The following GUCA1C variants were observed in gnomAD, a reference collection of about 807,000 sequenced individuals.
GUCA1C encodes guanylyl cyclase-activating protein 3.
A neutral mutation model predicts 16.2 loss-of-function variants in GUCA1C; 15 were observed. The ratio of observed to expected loss-of-function variants is 0.93; its 90% CI spans 0.62 to 1.43. The LOEUF (loss-of-function observed/expected upper bound fraction) is 1.43, where lower values mean the gene tolerates loss of function less well. GUCA1C is among the 40% of genes most tolerant of loss of function. The pLI, the probability that GUCA1C is intolerant of heterozygous loss-of-function variation, is 0.00. For synonymous variants in GUCA1C, 78 were observed against 85.4 expected (o/e 0.91, Z 0.48); for missense variants, 275 against 244.8 (o/e 1.12, Z -0.82).
intron 1 of GUCA1C, among the ~76,000 whole-genome samples, chr3:108,937,724 G>A (rs1175281652): frequency 6.6e-6 from 1 of 152,094 alleles, no homozygotes; most frequent in Non-Finnish European, 1.5e-5. Flanking sequence ...GTTCTAATAA[G>A]GCCCTACACA....
In GUCA1C at chr3:108,920,428, T is replaced by C; in HGVS notation, c.354+8A>G. 1.2e-6 allele frequency: 2 copies of C among 1,603,808 alleles called. No homozygotes were observed. The highest frequency in any genetic ancestry group is 1.7e-6 in the Non-Finnish European group (2 of 1,171,164). ...GGCCTGAAAAGGATACTTTACTACT[T>C]CACTTACCATGAACATGTCCAGTAG... On this transcript the variant is annotated splice_region_variant and intron_variant, in intron 2 of 3. Transcript: ENST00000261047.
intron 1 of GUCA1C, among the ~76,000 whole-genome samples, chr3:108,952,322 A>G (rs775897220): frequency 2.6e-5 from 4 of 152,208 alleles, no homozygotes; most frequent in Non-Finnish European, 5.9e-5. Context: ...GGAATCTGTC[A>G]CATTTTCCCA....
intron 1 of GUCA1C, among the ~76,000 whole-genome samples, chr3:108,933,529 T>C (rs1224912003): frequency 2.6e-5 from 4 of 152,272 alleles, no homozygotes; most frequent in South Asian, 4.1e-4. Flanking sequence ...AAATAAAAAC[T>C]ATATGGAGAC....
At chr3:108,952,442 G>A (rs774537824) in intron 1 of GUCA1C, among the ~76,000 whole-genome samples, 25 of 152,096 alleles carry the variant, frequency 1.6e-4, no homozygotes, top group Non-Finnish European at 3.2e-4. Flanking sequence ...ACTCATATTT[G>A]GTAACAAAGC....
intron 2 of GUCA1C, among the ~76,000 whole-genome samples, chr3:108,917,459 G>T (rs1056902772): frequency 6.6e-6 from 1 of 152,124 alleles, no homozygotes; most frequent in Non-Finnish European, 1.5e-5. Flanking sequence ...GAAGCAGCAG[G>T]ATCAGGGGAT....
At chr3:108,940,284 T>C (rs2107309844) in intron 1 of GUCA1C, among the ~76,000 whole-genome samples, 1 of 152,336 alleles carries the variant, frequency 6.6e-6, no homozygotes, top group Middle Eastern at 3.4e-3. Context: ...TGTGGTCACC[T>C]TGTAGGCCAG....
upstream of GUCA1C, among the ~76,000 whole-genome samples, chr3:108,954,239 T>C (rs1431650549): frequency 6.6e-6 from 1 of 152,216 alleles, no homozygotes; most frequent in East Asian, 1.9e-4. Context: ...AGTTTCTGCC[T>C]TTTCATACCT....
intron 1 of GUCA1C, among the ~76,000 whole-genome samples, chr3:108,933,537 G>A (rs1946691987): frequency 6.6e-6 from 1 of 152,094 alleles, no homozygotes; most frequent in Non-Finnish European, 1.5e-5. Flanking sequence ...ACTATATGGA[G>A]ACTTCAAATT....
chr3:108,926,202 C>T (rs1212634282), intron 1 of GUCA1C, among the ~76,000 whole-genome samples: 1 of 152,044 alleles, frequency 6.6e-6, no homozygotes, highest in Non-Finnish European at 1.5e-5. Flanking sequence ...TTTTTAACTG[C>T]TGTTACTTTA....
At chr3:108,943,697 A>C (rs1402960104) in intron 1 of GUCA1C, among the ~76,000 whole-genome samples, 2 of 152,106 alleles carry the variant, frequency 1.3e-5, no homozygotes, top group African/African-American at 4.8e-5. Flanking sequence ...ACATTTCTTG[A>C]ATGCCTGAGT....
intron 1 of GUCA1C, among the ~76,000 whole-genome samples, chr3:108,931,068 C>T (rs945804557): frequency 4.6e-5 from 7 of 152,190 alleles, no homozygotes; most frequent in Non-Finnish European, 8.8e-5. Context: ...TCAGCAGTCT[C>T]CTGGACAGTT....
At chr3:108,947,114 C>T (rs575190001) in intron 1 of GUCA1C, among the ~76,000 whole-genome samples, 16 of 152,278 alleles carry the variant, frequency 1.1e-4, no homozygotes, top group Middle Eastern at 6.8e-3. Context: ...TAACTACTAA[C>T]AGCCTGCTAT....
Position 108,953,744 on chromosome 3 carries a change from T to C in GUCA1C, c.19A>G (p.Ile7Val), listed in dbSNP as rs769158568. Residue 7 changes from isoleucine (I) to valine (V), a missense_variant, in exon 1 of 4, where the codon ATA becomes GTA. Physicochemically the swap from Ile to Val is conservative, Grantham distance 29 (BLOSUM62 3). Coordinates refer to ENST00000261047, the MANE Select transcript of GUCA1C (RefSeq NM_005459.4). MGNGKSIAGDQKAVPTQ... is the reference protein window; with the variant it reads MGNGKSVAGDQKAVPTQ... ...GGAACTGCTTTCTGATCACCAGCTA[T>C]AGATTTGCCATTCCCCATCTTGACT... The C allele has an allele frequency of 6.2e-6, 10 of 1,612,678 alleles. No homozygotes were observed. Among genetic ancestry groups the C allele is most frequent in the South Asian group, 1.1e-5 (1 of 91,060 alleles).
chr3:108,940,293 A>G (rs1946772947), intron 1 of GUCA1C, among the ~76,000 whole-genome samples: 1 of 152,232 alleles, frequency 6.6e-6, no homozygotes, highest in African/African-American at 2.4e-5. Context: ...CTTGTAGGCC[A>G]GAAAACCCAG....
At chr3:108,950,287 C>CA (rs1269197900) in intron 1 of GUCA1C, among the ~76,000 whole-genome samples, 1 of 152,170 alleles carries the variant, frequency 6.6e-6, no homozygotes, top group Non-Finnish European at 1.5e-5. Flanking sequence ...TTAATCCATT[C>CA]ATTTGCTGAT....
chr3:108,948,770 T>C (rs1210217443), intron 1 of GUCA1C, among the ~76,000 whole-genome samples: 2 of 152,158 alleles, frequency 1.3e-5, no homozygotes, highest in East Asian at 3.9e-4. Flanking sequence ...ATAAAATTTC[T>C]CAGAATATGC....
At chr3:108,951,315 T>C (rs1946893788) in intron 1 of GUCA1C, among the ~76,000 whole-genome samples, 1 of 152,296 alleles carries the variant, frequency 6.6e-6, no homozygotes, top group African/African-American at 2.4e-5. Flanking sequence ...AAATGGGTAA[T>C]TATGTGAGAT....
At chr3:108,923,416 C>T (rs1004916383) in intron 1 of GUCA1C, among the ~76,000 whole-genome samples, 1 of 152,128 alleles carries the variant, frequency 6.6e-6, no homozygotes, top group Admixed American at 6.5e-5. Flanking sequence ...TGTTCTTTCC[C>T]CCACTTTATG....
chr3:108,911,931 C>A (rs992656193), intron 3 of GUCA1C, among the ~76,000 whole-genome samples: 2 of 151,874 alleles, frequency 1.3e-5, no homozygotes, highest in African/African-American at 4.8e-5. Flanking sequence ...TATGGTGAAA[C>A]CCCGTTTCTA....
Sources: gnomAD v4.1 joint callset for allele counts (sites outside exome capture counted in the v4.1 genomes callset) on GRCh38, gnomAD v4.1.1 for gene constraint, MANE v1.5 for transcripts, NCBI Gene and HGNC (gene_info 2026-07-23, HGNC 2026-07-21) for gene names.